NELL1: variants seen among roughly 807,000 people sequenced by gnomAD.
The protein encoded by NELL1 is protein kinase C-binding protein NELL1.
Under a neutral mutation model 107.4 loss-of-function variants are expected in NELL1, and 76 were observed. That is an observed-to-expected ratio of 0.71 (90% confidence interval 0.59 to 0.86). The LOEUF is 0.86. NELL1 is among the 40% of genes least tolerant of loss of function. The pLI, the probability that NELL1 is intolerant of heterozygous loss-of-function variation, is 0.00. For synonymous variants in NELL1, 353 were observed against 341.2 expected, an observed-to-expected ratio of 1.03 and a Z score of -0.38; for missense variants, 1,024 against 1,005.5, an observed-to-expected ratio of 1.02 and a Z score of -0.25.
At chr11:20,717,778 C>T (rs74954696) in intron 2 of NELL1, among the ~76,000 whole-genome samples, 2 of 152,004 alleles carry the variant, frequency 1.3e-5, no homozygotes, top group Admixed American at 6.6e-5. Flanking sequence ...TTTTTGGTCT[C>T]CTTTAATTTT....
chr11:21,063,178 C>T (rs1853784159), intron 12 of NELL1, among the ~76,000 whole-genome samples: 1 of 151,998 alleles, frequency 6.6e-6, no homozygotes, highest in African/African-American at 2.4e-5. Flanking sequence ...GAATACAAAT[C>T]AGGAACAGTT....
At chr11:21,058,702 A>G (rs1853667913) in intron 12 of NELL1, among the ~76,000 whole-genome samples, 1 of 152,034 alleles carries the variant, frequency 6.6e-6, no homozygotes, top group Admixed American at 6.6e-5. Context: ...TTTGGGGGAG[A>G]TATAATTAAC....
chr11:21,219,558 A>G (rs1489108306), intron 13 of NELL1, among the ~76,000 whole-genome samples: 1 of 152,176 alleles, frequency 6.6e-6, no homozygotes, highest in Non-Finnish European at 1.5e-5. Context: ...GCCCATATCA[A>G]TGTCCTAAAG....
intron 3 of NELL1, among the ~76,000 whole-genome samples, chr11:20,802,618 T>G (rs1238989386): frequency 6.6e-6 from 1 of 152,218 alleles, no homozygotes; most frequent in Non-Finnish European, 1.5e-5. Flanking sequence ...ATAACAGTGG[T>G]GAAGGTGAAC....
Position 21,144,717 on chromosome 11 carries a change from A to G in NELL1, c.1426+31003A>G, listed in dbSNP as rs574239969. ...AATGAAGGTAGTAGTTACTGCAGGT[A>G]GAAGACACTGAATAACAGGCATGAA... On this transcript the variant is annotated intron_variant, in intron 13 of 19. Transcript: ENST00000357134. Among the ~76,000 whole-genome samples, 6 of 152,354 alleles carry G rather than the reference A, an allele frequency of 3.9e-5. No individual in the cohort carries two copies. The East Asian group carries it at 7.7e-4, about 20-fold the overall frequency.
intron 13 of NELL1, among the ~76,000 whole-genome samples, chr11:21,121,949 G>T (rs561627216): frequency 1.2e-4 from 18 of 152,214 alleles, no homozygotes; most frequent in Non-Finnish European, 2.5e-4. Flanking sequence ...TAATGTTAGG[G>T]TTTATTAAAT....
At chr11:20,711,103 G>T (rs1210090927) in intron 2 of NELL1, among the ~76,000 whole-genome samples, 2 of 151,778 alleles carry the variant, frequency 1.3e-5, no homozygotes, top group African/African-American at 4.8e-5. Flanking sequence ...CTAGTTCCCT[G>T]GGGTGTGACC....
chr11:21,058,691 T>G (rs1853667607), intron 12 of NELL1, among the ~76,000 whole-genome samples: 1 of 152,036 alleles, frequency 6.6e-6, no homozygotes, highest in African/African-American at 2.4e-5. Flanking sequence ...TTTCTGTGGG[T>G]TTTGGGGGAG....
chr11:20,922,331 CT>C (rs1383784168), intron 7 of NELL1, among the ~76,000 whole-genome samples: 1 of 151,926 alleles, frequency 6.6e-6, no homozygotes, highest in African/African-American at 2.4e-5. Context: ...TTGTTTCTTC[CT>C]TTTGTATTAG....
intron 14 of NELL1, among the ~76,000 whole-genome samples, chr11:21,350,503 G>C (rs1478462459): frequency 6.6e-6 from 1 of 152,118 alleles, no homozygotes; most frequent in Non-Finnish European, 1.5e-5. Flanking sequence ...TTCTGTTGAA[G>C]AACAAAATAG....
chr11:20,733,298 T>C (rs1158970252), intron 2 of NELL1, among the ~76,000 whole-genome samples: 2 of 152,194 alleles, frequency 1.3e-5, no homozygotes, highest in African/African-American at 4.8e-5. Flanking sequence ...CCTAATGTAT[T>C]TGCTTCCTAG....
chr11:20,783,941 C>G lies in NELL1; in HGVS notation c.335+111C>G, dbSNP rs1856903138. 1.7e-5 allele frequency: 17 copies of G among 1,025,462 alleles called. 1 individual carries two copies. The South Asian group carries it at 3.8e-4, about 23-fold the overall frequency. The allele number at this position is 1,025,462 out of a possible 1,614,324, so 63.5% of individuals were successfully genotyped here. ...ATGAAAACTTTCATCTAACTGAGGCCTCATTTCTGTTGAACACATTCATGA... is the reference window on the plus strand; with the variant it reads ...ATGAAAACTTTCATCTAACTGAGGCGTCATTTCTGTTGAACACATTCATGA... On this transcript the variant is annotated intron_variant, in intron 3 of 19. Coordinates refer to ENST00000357134, the MANE Select transcript of NELL1 (RefSeq NM_006157.5).
At chr11:20,788,937 A>G (rs60234494) in intron 3 of NELL1, among the ~76,000 whole-genome samples, 231 of 152,236 alleles carry the variant, frequency 1.5e-3, no homozygotes, top group African/African-American at 5.4e-3. Context: ...TAGGGGTCCA[A>G]CTTTATTCTT....
chr11:21,561,315 T>TG (rs1421352367), intron 17 of NELL1, among the ~76,000 whole-genome samples: 4 of 152,062 alleles, frequency 2.6e-5, no homozygotes, highest in Non-Finnish European at 4.4e-5. Flanking sequence ...TCCACAGACC[T>TG]GGGGCCACCT....
chr11:21,232,156 A>G (rs1858073278), intron 14 of NELL1, among the ~76,000 whole-genome samples: 3 of 62,240 alleles, frequency 4.8e-5, no homozygotes, highest in Admixed American at 3.4e-4. Context: ...ATAAAAAAAA[A>G]AAAATATATA....
At chr11:20,758,438 T>C (rs1334100018) in intron 2 of NELL1, among the ~76,000 whole-genome samples, 3 of 152,308 alleles carry the variant, frequency 2.0e-5, no homozygotes, top group Admixed American at 6.5e-5. Context: ...TGATTCTAAG[T>C]TCTTCCTATC....
At chr11:20,768,251 T>C (rs1394178932) in intron 2 of NELL1, among the ~76,000 whole-genome samples, 1 of 152,178 alleles carries the variant, frequency 6.6e-6, no homozygotes, top group Non-Finnish European at 1.5e-5. Flanking sequence ...GCCAAGGTTA[T>C]GTATAGGTCC....
At chr11:21,468,034 G>A (rs1854075611) in intron 15 of NELL1, among the ~76,000 whole-genome samples, 1 of 151,896 alleles carries the variant, frequency 6.6e-6, no homozygotes, top group African/African-American at 2.4e-5. Flanking sequence ...ACTAACAATG[G>A]AAATATTCTC....
chr11:20,760,616 GATTA>G (rs1262323718), intron 2 of NELL1, among the ~76,000 whole-genome samples: 1 of 152,170 alleles, frequency 6.6e-6, no homozygotes, highest in Admixed American at 6.5e-5. Context: ...GAGAGGGAAT[GATTA>G]ATTAGGGCTT....
Sources: allele counts gnomAD v4.1 joint callset (sites outside exome capture counted in the v4.1 genomes callset), GRCh38; gene constraint gnomAD v4.1.1; transcripts MANE v1.5; gene names NCBI Gene and HGNC (gene_info 2026-07-23, HGNC 2026-07-21).